Variants in SMURF1 observed in about 807,000 individuals in gnomAD.
The protein encoded by SMURF1 is E3 ubiquitin-protein ligase SMURF1.
SMURF1 carries 44 observed loss-of-function variants against 98.0 expected under a neutral mutation model. That is an observed-to-expected ratio of 0.45 (90% CI 0.35 to 0.58). The LOEUF (loss-of-function observed/expected upper bound fraction) is 0.58, where lower values mean the gene tolerates loss of function less well. Ranked by LOEUF, SMURF1 falls within the 20% of genes least tolerant of loss-of-function variation. SMURF1 has a pLI of 0.00. For missense variants in SMURF1, 687 were observed against 938.4 expected (o/e 0.73, Z 3.50); for synonymous variants, 396 against 374.9 (o/e 1.06, Z -0.65).
intron 1 of SMURF1, among the ~76,000 whole-genome samples, chr7:99,130,692 T>A (rs1409703247): frequency 6.6e-6 from 1 of 152,232 alleles, no homozygotes; most frequent in Non-Finnish European, 1.5e-5. Flanking sequence ...TTACTCAGCA[T>A]AATGAAGCTA....
intron 1 of SMURF1, among the ~76,000 whole-genome samples, chr7:99,091,898 G>A (rs1325739563): frequency 6.6e-6 from 1 of 152,086 alleles, no homozygotes; most frequent in Non-Finnish European, 1.5e-5. Flanking sequence ...TTCATCATCT[G>A]GGACCTGAAG....
chr7:99,119,047 A>G (rs1797532270), intron 1 of SMURF1, among the ~76,000 whole-genome samples: 2 of 98,988 alleles, frequency 2.0e-5, no homozygotes, highest in African/African-American at 4.3e-5. Context: ...TTTTTTTTAG[A>G]GACAGGGTCT....
chr7:99,032,032 A>G (rs1032780034), intron 17 of SMURF1, among the ~76,000 whole-genome samples: 2 of 152,260 alleles, frequency 1.3e-5, no homozygotes, highest in African/African-American at 4.8e-5. Flanking sequence ...TACGTGTGTC[A>G]TAAGCAGGAT....
At chr7:99,055,030 T>C (rs913298536) in intron 5 of SMURF1, among the ~76,000 whole-genome samples, 165 bp from the exon 6 acceptor site, 1 of 152,238 alleles carries the variant, frequency 6.6e-6, no homozygotes. Context: ...CGAAGCATTT[T>C]ACTCCAGTAG....
chr7:99,090,553 A>T lies in SMURF1; in HGVS notation c.56-28716T>A, dbSNP rs565766296. On this transcript the variant is annotated intron_variant, in intron 1 of 17. Transcript: ENST00000361368. The stretch of plus-strand genomic sequence containing the variant: ...GGCAAGAAGAGAGAGAAAATGTATT[A>T]CATTTTAGGGGGCAAAATAAAATTA... Among the ~76,000 whole-genome samples the T allele has an allele frequency of 4.7e-4, 72 of 152,288 alleles. 1 individual carries two copies. Among genetic ancestry groups the T allele is most frequent in the African/African-American group, 1.7e-3 (69 of 41,546 alleles).
At chr7:99,030,780 G>A in intron 17 of SMURF1, 97 bp from the exon 18 acceptor site, 1 of 824,688 alleles carries the variant, frequency 1.2e-6, no homozygotes, top group Non-Finnish European at 2.0e-6. Context: ...TGTGGGAGGG[G>A]AGAGGAATGG....
chr7:99,087,099 G>A (rs770228109), intron 1 of SMURF1, among the ~76,000 whole-genome samples: 2 of 152,162 alleles, frequency 1.3e-5, no homozygotes, highest in African/African-American at 2.4e-5. Flanking sequence ...ACTGGGTGCA[G>A]TGGCTCATGC....
At chr7:99,032,983 T>C in intron 17 of SMURF1, 54 bp downstream of exon 17, 1 of 1,548,026 alleles carries the variant, frequency 6.5e-7, no homozygotes. Flanking sequence ...AACGTGAACG[T>C]CAGCATCCTC....
chr7:99,051,685 C>T (rs960532508), intron 7 of SMURF1, among the ~76,000 whole-genome samples: 2 of 152,098 alleles, frequency 1.3e-5, no homozygotes, highest in African/African-American at 2.4e-5. Context: ...CTTTGGTGTT[C>T]GTTTGCCTAA....
In SMURF1 at chr7:99,029,341, T is replaced by C. The variant is rs191508545; in HGVS notation, c.*1243A>G. The C allele has an allele frequency of 6.6e-6, 1 of 152,668 alleles. No homozygotes were observed. Among genetic ancestry groups the C allele is most frequent in the Admixed American group, 6.5e-5 (1 of 15,298 alleles). 9.5% of individuals were successfully genotyped at this position (152,668 alleles called of 1,614,324 possible). On this transcript the variant is annotated 3_prime_UTR_variant, in exon 18 of 18. Transcript: ENST00000361368. ...GCCACTTTAAGATAAAATACTGACT[T>C]TTGTGCAAACTGGAAATGGTGTCAG...
At chr7:99,141,941 T>G (rs1004529540) in intron 1 of SMURF1, among the ~76,000 whole-genome samples, 2 of 152,306 alleles carry the variant, frequency 1.3e-5, no homozygotes, top group South Asian at 4.1e-4. Context: ...ACTTTTTAGT[T>G]TCCTTCCAGA....
At chr7:99,032,985 A>G (rs1162463731) in intron 17 of SMURF1, 52 bp downstream of exon 17, 52 of 1,554,890 alleles carry the variant, frequency 3.3e-5, no homozygotes, top group Non-Finnish European at 4.5e-5. Context: ...CGTGAACGTC[A>G]GCATCCTCTG....
intron 1 of SMURF1, among the ~76,000 whole-genome samples, chr7:99,100,594 G>T (rs1797055686): frequency 6.6e-6 from 1 of 152,098 alleles, no homozygotes; most frequent in African/African-American, 2.4e-5. Context: ...TAAAAATGCA[G>T]TTCAGAATTC....
intron 1 of SMURF1, among the ~76,000 whole-genome samples, chr7:99,102,246 AT>A (rs1797100239): frequency 6.6e-6 from 1 of 152,190 alleles, no homozygotes; most frequent in Non-Finnish European, 1.5e-5. Flanking sequence ...TTATTTCAAT[AT>A]TTTGTTGTTC....
intron 3 of SMURF1, among the ~76,000 whole-genome samples, chr7:99,058,488 A>G (rs1179997526): frequency 6.6e-6 from 1 of 152,156 alleles, no homozygotes; most frequent in Non-Finnish European, 1.5e-5. Flanking sequence ...ATTCTCACCA[A>G]TTAGGTTTGA....
intron 1 of SMURF1, among the ~76,000 whole-genome samples, chr7:99,118,964 G>A (rs1036020758): frequency 2.1e-5 from 3 of 142,228 alleles, no homozygotes; most frequent in Non-Finnish European, 4.5e-5. Flanking sequence ...GGGCTCAAGC[G>A]ATCGTCCCAT....
chr7:99,050,327 C>T (rs1311273010), intron 8 of SMURF1: 1 of 152,806 alleles, frequency 6.5e-6, no homozygotes, highest in African/African-American at 2.4e-5. Flanking sequence ...TTAGTGCTGT[C>T]AGAAAACTAT....
At chr7:99,129,004 C>T (rs549175340) in intron 1 of SMURF1, among the ~76,000 whole-genome samples, 1 of 152,010 alleles carries the variant, frequency 6.6e-6, no homozygotes, top group Non-Finnish European at 1.5e-5. Context: ...AGAACAAAAA[C>T]AAAATTGAAA....
chr7:99,063,241 TTATATATA>T (rs1178325637), intron 1 of SMURF1, among the ~76,000 whole-genome samples: 40 of 34,852 alleles, frequency 1.1e-3, no homozygotes, highest in African/African-American at 3.2e-3. Flanking sequence ...TAAGATTTAT[TTATATATA>T]TATATATATA....
Sources: allele counts gnomAD v4.1 joint callset (sites outside exome capture counted in the v4.1 genomes callset), GRCh38; gene constraint gnomAD v4.1.1; transcripts MANE v1.5; gene names NCBI Gene and HGNC (gene_info 2026-07-23, HGNC 2026-07-21).